MACF1: variants seen among roughly 807,000 people sequenced by gnomAD.
MACF1 encodes the protein microtubule actin crosslinking factor 1, also known as microtubule-actin cross-linking factor 1.
In MACF1, 193 loss-of-function variants were observed where a neutral mutation model predicts 854.8. That is an observed-to-expected ratio of 0.23 (90% CI 0.20 to 0.25). The LOEUF is 0.25. MACF1 is among the 10% of genes least tolerant of loss of function. The pLI is 1.00. For synonymous variants in MACF1, 3,185 were observed against 3,226.7 expected (o/e 0.99, Z 0.44); for missense variants, 7,722 against 8,929.1 (o/e 0.86, Z 5.45).
At chr1:39,382,256 C>T (rs1650289251) in intron 56 of MACF1, 104 bp downstream of exon 56, 1 of 1,063,554 alleles carries the variant, frequency 9.4e-7, no homozygotes. Flanking sequence ...CATTTAATCT[C>T]TCAGAGTCTC....
chr1:39,368,764 A>C (rs1648963845), intron 50 of MACF1, among the ~76,000 whole-genome samples: 1 of 152,112 alleles, frequency 6.6e-6, no homozygotes, highest in African/African-American at 2.4e-5. Context: ...CGCCTCCCAA[A>C]GTGCTGGGAT....
At chr1:39,208,825 A>G (rs898810318) in intron 1 of MACF1, among the ~76,000 whole-genome samples, 16 of 151,894 alleles carry the variant, frequency 1.1e-4, no homozygotes, top group Admixed American at 3.9e-4. Flanking sequence ...GGGTTTCATC[A>G]TGTTGGTCAG....
chr1:39,440,937 T>G (rs1302085300), intron 72 of MACF1, 66 bp from the exon 73 acceptor site: 3 of 1,581,112 alleles, frequency 1.9e-6, no homozygotes, highest in East Asian at 2.2e-5. Context: ...TAAATCACAT[T>G]TGCAAAGTTT....
Position 39,292,049 on chromosome 1 carries a change from T to G in MACF1, c.1914+11T>G. 1 of 1,613,150 alleles carries G rather than the reference T, an allele frequency of 6.2e-7. No homozygotes were observed. The highest frequency in any genetic ancestry group is 2.2e-5 in the East Asian group (1 of 44,830). ...GCCAGGTTGTATGAGGTGCGTAGCC[T>G]TCAGAATCCACATTACAGGAGGGAC... On this transcript the variant is annotated intron_variant, in intron 16 of 100. Transcript: ENST00000564288.
chr1:39,084,474 G>A lies in MACF1; in HGVS notation c.220+36G>A, dbSNP rs1469985985. 1 of 1,570,694 alleles carries A rather than the reference G, an allele frequency of 6.4e-7. No individual in the cohort carries two copies. The highest frequency in any genetic ancestry group is 8.6e-7 in the Non-Finnish European group (1 of 1,160,430). On this transcript the variant is annotated intron_variant, in intron 2 of 93. Transcript: ENST00000361689. This position sits in a 1 kb window ranked among gnomAD's most constrained non-coding sequence, Gnocchi z 5.2. ...TCCCCCAGCAGGCTGGACGCTGTGG[G>A]TGTGAGGGAGGAATGGGCCAGGGCA...
In MACF1 at chr1:39,283,252, T is replaced by C; in HGVS notation, c.759T>C (p.Ala253=). ...IQSNRENLEQ[A]FEVAERLGVT... ...GTAACCGAGAGAATCTGGAACAGGC[T>C]TTTGAAGTGGCAGAAAGACTGGGGG... Residue 253 remains alanine, a synonymous_variant, in exon 8 of 101, where the codon GCT becomes GCC. Transcript: ENST00000564288. The surrounding 1 kb of genome is among the most constrained non-coding windows in gnomAD (Gnocchi z 4.5). 6.2e-7 allele frequency: 1 copy of C among 1,613,930 alleles called. No individual in the cohort carries two copies. The highest frequency in any genetic ancestry group is 8.5e-7 in the Non-Finnish European group (1 of 1,179,886).
chr1:39,325,914 T>A (rs1180349920), intron 35 of MACF1, among the ~76,000 whole-genome samples: 1 of 152,168 alleles, frequency 6.6e-6, no homozygotes, highest in South Asian at 2.1e-4. Flanking sequence ...CCAGTTGAGA[T>A]TGGAAACCAG....
upstream of MACF1, among the ~76,000 whole-genome samples, chr1:39,201,509 C>T (rs532620917): frequency 4.6e-5 from 7 of 152,204 alleles, no homozygotes; most frequent in East Asian, 3.9e-4. Flanking sequence ...CGTGCCACCA[C>T]GCCCGGCTTA....
chr1:39,262,948 A>G (rs1645181725), intron 6 of MACF1, among the ~76,000 whole-genome samples: 1 of 152,012 alleles, frequency 6.6e-6, no homozygotes, highest in Non-Finnish European at 1.5e-5. Context: ...TTGATTGACT[A>G]CTGAAGGATC....
At position 39,460,595 on chromosome 1, in the gene MACF1, A is replaced by G. The variant is rs1468260391; in HGVS notation, c.21361-37A>G. The G allele has an allele frequency of 6.2e-7, 1 of 1,609,434 alleles. No individual in the cohort carries two copies. Among genetic ancestry groups the G allele is most frequent in the African/African-American group, 1.3e-5 (1 of 74,776 alleles). On this transcript the variant is annotated intron_variant, in intron 91 of 100. Coordinates refer to ENST00000564288, the MANE Select transcript of MACF1 (RefSeq NM_001394062.1). The surrounding 1 kb of genome is among the most constrained non-coding windows in gnomAD (Gnocchi z 4.1). ...CTCTGGGCAGCTTTTGAGGGCCCAA[A>G]AAATAAATCTTATTGACACTTCTGA...
At chr1:39,327,047 A>G (rs916154770) in intron 35 of MACF1, among the ~76,000 whole-genome samples, 171 bp from the exon 36 acceptor site, 3 of 152,312 alleles carry the variant, frequency 2.0e-5, no homozygotes, top group East Asian at 3.9e-4. Flanking sequence ...ATCAAGAACC[A>G]TGACTTGATT....
chr1:39,225,704 T>A (rs1369738500), intron 1 of MACF1, among the ~76,000 whole-genome samples: 1 of 152,134 alleles, frequency 6.6e-6, no homozygotes, highest in African/African-American at 2.4e-5. Flanking sequence ...ATAAAGAACA[T>A]TAAAATGAAT....
intron 2 of MACF1, among the ~76,000 whole-genome samples, chr1:39,242,736 CAAA>C (rs36020944): frequency 1.8e-4 from 24 of 135,340 alleles, no homozygotes; most frequent in East Asian, 8.5e-4. Context: ...ACCCTATCTC[CAAA>C]AAAAAAAAAA....
chr1:39,315,736 G>A, intron 27 of MACF1, 45 bp downstream of exon 27: 1 of 1,585,296 alleles, frequency 6.3e-7, no homozygotes, highest in South Asian at 1.1e-5. Flanking sequence ...ATTTTCCATT[G>A]GGATAAGAAA....
intron 70 of MACF1, among the ~76,000 whole-genome samples, chr1:39,436,875 T>C (rs1643988800): frequency 6.6e-6 from 1 of 152,246 alleles, no homozygotes; most frequent in Admixed American, 6.5e-5. Flanking sequence ...GGGAAGGTAA[T>C]AATTCTTCAA....
intron 52 of MACF1, among the ~76,000 whole-genome samples, chr1:39,374,061 G>A (rs1315405286): frequency 6.6e-6 from 1 of 151,708 alleles, no homozygotes; most frequent in Non-Finnish European, 1.5e-5. Context: ...GGCCAACATG[G>A]TGAAACCCCA....
Position 39,334,505 on chromosome 1 carries a change from T to C in MACF1, c.7917T>C (p.Asp2639=). Residue 2639 remains aspartate (D), a synonymous_variant, in exon 37 of 101, where the codon GAT becomes GAC. Coordinates refer to ENST00000564288, the MANE Select transcript of MACF1 (RefSeq NM_001394062.1). ...AATTAGTCAAGAAATGTAAGATTGA[T>C]ATTGAATCTGGACAGAGATATCTAG... ...YSELVKKCKI[D]IESGQRYLEV... The C allele has an allele frequency of 6.2e-7, 1 of 1,614,128 alleles. No homozygotes were observed. The highest frequency in any genetic ancestry group is 8.5e-7 in the Non-Finnish European group (1 of 1,179,998).
chr1:39,432,479 T>G, intron 66 of MACF1, 56 bp from the exon 67 acceptor site: 2 of 1,561,090 alleles, frequency 1.3e-6, no homozygotes, highest in South Asian at 2.3e-5. Flanking sequence ...AAATTGCAGT[T>G]ATGTGGAGAC....
chr1:39,337,562 A>AT (rs35312351), intron 38 of MACF1, among the ~76,000 whole-genome samples: 3,850 of 99,980 alleles, frequency 0.039, 290 homozygotes, highest in East Asian at 0.18. Context: ...AATTACTACC[A>AT]TTTTTTTTTT....
Sources: gnomAD v4.1 joint callset for allele counts (sites outside exome capture counted in the v4.1 genomes callset) on GRCh38, gnomAD v4.1.1 for gene constraint, Gnocchi (gnomAD v3.1) non-coding constraint, MANE v1.5 for transcripts, NCBI Gene and HGNC (gene_info 2026-07-23, HGNC 2026-07-21) for gene names.